The following BCAR3 variants were observed in gnomAD, a reference collection of about 807,000 sequenced individuals.
BCAR3 encodes breast cancer anti-estrogen resistance protein 3.
Under a neutral mutation model 80.1 loss-of-function variants are expected in BCAR3, and 37 were observed. That is an observed-to-expected ratio of 0.46 (90% CI 0.36 to 0.61). The LOEUF (loss-of-function observed/expected upper bound fraction) is 0.61. BCAR3 is among the 20% of genes least tolerant of loss of function. The probability of loss-of-function intolerance (pLI) is 0.00; values close to 1 mark genes in which losing one functional copy is unlikely to be tolerated. For missense variants in BCAR3, 978 were observed against 1,068.2 expected (o/e 0.92, Z 1.18); for synonymous variants, 389 against 418.9 (o/e 0.93, Z 0.87).
chr1:93,608,805 C>G (rs1235812612), intron 3 of BCAR3, among the ~76,000 whole-genome samples: 1 of 152,220 alleles, frequency 6.6e-6, no homozygotes, highest in Admixed American at 6.5e-5. Context: ...ACTGTCCTTT[C>G]TTTTTGGAGG....
intron 3 of BCAR3, among the ~76,000 whole-genome samples, chr1:93,695,362 C>T (rs532133247): frequency 6.6e-6 from 1 of 152,306 alleles, no homozygotes; most frequent in East Asian, 1.9e-4. Context: ...CCATCAGGCT[C>T]CAACTCCCAC....
chr1:93,673,518 A>G (rs1320911044), intron 2 of BCAR3, among the ~76,000 whole-genome samples: 2 of 152,248 alleles, frequency 1.3e-5, no homozygotes, highest in African/African-American at 4.8e-5. Context: ...CTTTGCGACA[A>G]GCTTGGACAA....
At chr1:93,641,814 A>C (rs1675985486) in intron 3 of BCAR3, among the ~76,000 whole-genome samples, 2 of 152,186 alleles carry the variant, frequency 1.3e-5, no homozygotes, top group African/African-American at 4.8e-5. Context: ...TTCCTCATCT[A>C]CATTCCAAAA....
chr1:93,608,751 C>T (rs973422286), intron 3 of BCAR3, among the ~76,000 whole-genome samples: 2 of 152,230 alleles, frequency 1.3e-5, no homozygotes, highest in Non-Finnish European at 2.9e-5. Context: ...TCCCACCCAA[C>T]CAGATGCCAA....
chr1:93,749,364 G>A lies in BCAR3; in HGVS notation c.-62-43222C>T, dbSNP rs185827936. On this transcript the variant is annotated intron_variant, in intron 2 of 13. Transcript: ENST00000370244. ...AGCACTTTGGGAGGCCGAGGTGGGC[G>A]GATCATGAGGTCACGAGATCGAGAC... 4.1e-3 allele frequency among the ~76,000 whole-genome samples: 619 copies of A among 151,974 alleles called. 5 individuals carry two copies. The highest frequency in any genetic ancestry group is 7.0e-3 in the Non-Finnish European group (476 of 67,958).
Position 93,582,372 on chromosome 1 carries a change from G to T in BCAR3, c.1615C>A (p.Arg539Ser), listed in dbSNP as rs199987558. ...NKPLETAMLK[R>S]AKELFTNNDP... ...TTGTTGGTGAACAGTTCTTTTGCAC[G>T]TTTCAACATTGCTGTTTCCAGGGGC... The change falls in exon 7 of 12, where the codon CGT becomes AGT. Residue 539 changes from arginine to serine, a missense_variant. By Grantham distance (110) the Arg-to-Ser change is moderately radical. Transcript: ENST00000260502. 4 of 1,614,160 alleles carry T rather than the reference G, an allele frequency of 2.5e-6. No individual in the cohort carries two copies. The highest frequency in any genetic ancestry group is 3.4e-6 in the Non-Finnish European group (4 of 1,180,032).
At chr1:93,784,360 A>G (rs1652870294) in intron 2 of BCAR3, among the ~76,000 whole-genome samples, 1 of 152,180 alleles carries the variant, frequency 6.6e-6, no homozygotes, top group African/African-American at 2.4e-5. Flanking sequence ...AATGTGATGG[A>G]GCAGGATCAA....
intron 2 of BCAR3, among the ~76,000 whole-genome samples, chr1:93,672,629 G>A (rs922200641): frequency 1.3e-5 from 2 of 152,082 alleles, no homozygotes; most frequent in Non-Finnish European, 2.9e-5. Flanking sequence ...TAACAATCCT[G>A]TGCACAGGTA....
At chr1:93,714,418 C>T (rs1276637389) in intron 2 of BCAR3, among the ~76,000 whole-genome samples, 1 of 152,198 alleles carries the variant, frequency 6.6e-6, no homozygotes, top group Non-Finnish European at 1.5e-5. Context: ...TAGAACACTG[C>T]CTGGCACATA....
At chr1:93,743,588 G>A (rs980409836) in intron 2 of BCAR3, among the ~76,000 whole-genome samples, 8 of 152,166 alleles carry the variant, frequency 5.3e-5, no homozygotes, top group African/African-American at 1.9e-4. Context: ...GCGCTGATAT[G>A]GTTTTTCCTT....
At chr1:93,818,619 A>G (rs1402696026) in intron 2 of BCAR3, among the ~76,000 whole-genome samples, 1 of 152,200 alleles carries the variant, frequency 6.6e-6, no homozygotes, top group Non-Finnish European at 1.5e-5. Flanking sequence ...TCCATCATTA[A>G]TCAAGTATTT....
chr1:93,654,358 G>A (rs1254532961), intron 2 of BCAR3, among the ~76,000 whole-genome samples: 1 of 152,156 alleles, frequency 6.6e-6, no homozygotes, highest in Non-Finnish European at 1.5e-5. Context: ...GCACAGAACT[G>A]CAAGTGGTCT....
At chr1:93,712,444 C>T (rs529627323) in intron 2 of BCAR3, among the ~76,000 whole-genome samples, 1 of 152,232 alleles carries the variant, frequency 6.6e-6, no homozygotes, top group Non-Finnish European at 1.5e-5. Flanking sequence ...ACGTTCACCT[C>T]GTGCTCCTCA....
chr1:93,843,566 T>C (rs1309809366), intron 2 of BCAR3, among the ~76,000 whole-genome samples: 3 of 152,234 alleles, frequency 2.0e-5, no homozygotes, highest in Admixed American at 2.0e-4. Context: ...GCTGTACTCT[T>C]AACTGCTACT....
chr1:93,642,100 T>C (rs1001777745), intron 3 of BCAR3, among the ~76,000 whole-genome samples: 3 of 152,200 alleles, frequency 2.0e-5, no homozygotes, highest in African/African-American at 7.2e-5. Flanking sequence ...TAAGGCCAGA[T>C]AAGGGTACCT....
intron 1 of BCAR3, among the ~76,000 whole-genome samples, chr1:93,675,149 T>C (rs1425411391): frequency 6.6e-6 from 1 of 152,200 alleles, no homozygotes; most frequent in African/African-American, 2.4e-5. Flanking sequence ...ACATAGGAAT[T>C]GTCCTGGGTT....
intron 2 of BCAR3, among the ~76,000 whole-genome samples, chr1:93,798,232 A>G (rs1048903188): frequency 6.6e-6 from 1 of 152,190 alleles, no homozygotes; most frequent in Non-Finnish European, 1.5e-5. Context: ...AAGTTGGGGG[A>G]AAAGCATTCT....
intron 2 of BCAR3, among the ~76,000 whole-genome samples, chr1:93,842,949 C>T (rs896429338): frequency 1.6e-4 from 25 of 152,154 alleles, no homozygotes; most frequent in African/African-American, 5.3e-4. Context: ...ACACTCAGCA[C>T]TGAGATATTT....
At chr1:93,734,826 G>C (rs1300872346) in intron 2 of BCAR3, among the ~76,000 whole-genome samples, 1 of 152,134 alleles carries the variant, frequency 6.6e-6, no homozygotes, top group Non-Finnish European at 1.5e-5. Context: ...GCAGCACGGG[G>C]CTTTCTGTGC....
Sources: allele counts gnomAD v4.1 joint callset (sites outside exome capture counted in the v4.1 genomes callset), GRCh38; gene constraint gnomAD v4.1.1; transcripts MANE v1.5; gene names NCBI Gene and HGNC (gene_info 2026-07-23, HGNC 2026-07-21).